Variants in FREM1 observed in about 807,000 individuals in gnomAD.
The protein encoded by FREM1 is FRAS1 related extracellular matrix 1.
Under a neutral mutation model 210.1 loss-of-function variants are expected in FREM1, and 220 were observed. The ratio of observed to expected loss-of-function variants is 1.05; its 90% CI spans 0.94 to 1.17. FREM1 has a LOEUF of 1.17. Ranked by LOEUF, FREM1 falls within the 50% of genes most tolerant of loss-of-function variation. The pLI, the probability that FREM1 is intolerant of heterozygous loss-of-function variation, is 0.00. For missense variants in FREM1, 3,454 were observed against 2,675.5 expected (o/e 1.29, Z -6.42); for synonymous variants, 1,189 against 980.2 (o/e 1.21, Z -3.98).
At position 14,804,220 on chromosome 9, in the gene FREM1, T is replaced by G. The variant is rs370283426; in HGVS notation, c.3471+736A>C. Among the ~76,000 whole-genome samples the G allele has an allele frequency of 2.0e-4, 31 of 152,334 alleles. No individual in the cohort carries two copies. The South Asian group carries it at 6.0e-3, about 29-fold the overall frequency. Reference sequence around the variant, plus strand: ...AAAAAATTATGCGAAGCTTAAAGTCTGCTTGCCCGTAACACACAGGACTTC... The same window carrying G: ...AAAAAATTATGCGAAGCTTAAAGTCGGCTTGCCCGTAACACACAGGACTTC... On this transcript the variant is annotated intron_variant, in intron 19 of 36. Transcript: ENST00000380880.
At chr9:14,866,867 C>CTT (rs890641569) in intron 2 of FREM1, among the ~76,000 whole-genome samples, 1 of 148,882 alleles carries the variant, frequency 6.7e-6, no homozygotes, top group African/African-American at 2.5e-5. Context: ...ATTTTCCTTT[C>CTT]TTTTTTTTTT....
chr9:14,812,258 C>CA (rs1430998533), intron 16 of FREM1, among the ~76,000 whole-genome samples: 1 of 152,106 alleles, frequency 6.6e-6, no homozygotes, highest in Non-Finnish European at 1.5e-5. Flanking sequence ...AAAGCAATGC[C>CA]AAAAATGTAA....
chr9:14,878,622 T>C (rs770921688), intron 1 of FREM1, among the ~76,000 whole-genome samples: 20 of 152,326 alleles, frequency 1.3e-4, no homozygotes, highest in African/African-American at 4.3e-4. Flanking sequence ...TTACTTTCAA[T>C]GGCAAAAAAC....
chr9:14,859,236 G>C lies in FREM1; in HGVS notation c.578C>G (p.Pro193Arg), dbSNP rs377565472. The C allele has an allele frequency of 4.2e-5, 67 of 1,610,200 alleles. No homozygotes were observed. The Middle Eastern group carries it at 5.0e-4, about 12-fold the overall frequency. The change falls in exon 4 of 37, where the codon CCT (proline) becomes CGT (arginine). Residue 193 changes from proline to arginine, a missense_variant. Transcript: ENST00000380880. Reference sequence around the variant, plus strand: ...ATCTCCACGAGGTTCTTCTGGTCGAGGCTCCCCGAGAACCATCTGGCCATG... The same window carrying C: ...ATCTCCACGAGGTTCTTCTGGTCGACGCTCCCCGAGAACCATCTGGCCATG... ...PAHGQMVLGE[P>R]RPEEPRGDQP...
chr9:14,816,480 A>G (rs11792010), intron 15 of FREM1, among the ~76,000 whole-genome samples: 32,106 of 151,898 alleles, frequency 0.21, 3,692 homozygotes, highest in Middle Eastern at 0.3. Flanking sequence ...CAGTGTTGGG[A>G]GGTGGGAGGT....
chr9:14,809,342 G>A (rs1467768302), intron 16 of FREM1, among the ~76,000 whole-genome samples: 3 of 152,190 alleles, frequency 2.0e-5, no homozygotes, highest in African/African-American at 7.2e-5. Context: ...GACTAATACA[G>A]GGAGGAATTA....
Position 14,841,595 on chromosome 9 carries a change from G to A in FREM1, c.1739-6C>T, listed in dbSNP as rs547407290. 9 of 1,579,614 alleles carry A rather than the reference G, an allele frequency of 5.7e-6. No individual in the cohort carries two copies. In the East Asian group the frequency reaches 1.8e-4, roughly 32 times the overall value. Reference sequence around the variant, plus strand: ...GAAGCCATGGACAGGATAGCCTATTGGGTCCATAAAACACCACATACTTTT... The same window carrying A: ...GAAGCCATGGACAGGATAGCCTATTAGGTCCATAAAACACCACATACTTTT... On this transcript the variant is annotated splice_polypyrimidine_tract_variant and splice_region_variant and intron_variant, in intron 9 of 36. Transcript: ENST00000380880.
chr9:14,801,115 A>T (rs1191577364), intron 20 of FREM1, among the ~76,000 whole-genome samples: 4 of 152,156 alleles, frequency 2.6e-5, no homozygotes, highest in African/African-American at 9.7e-5. Context: ...TTCGTGCCTC[A>T]GCCTCCTGAG....
intron 36 of FREM1, 137 bp from the exon 37 acceptor site, chr9:14,737,732 A>G: frequency 1.6e-6 from 1 of 627,812 alleles, no homozygotes; most frequent in Non-Finnish European, 2.5e-6. Flanking sequence ...GGAACTTGGA[A>G]TACTCTAAGA....
chr9:14,863,830 G>C lies in FREM1; in HGVS notation c.308C>G (p.Thr103Arg). The change falls in exon 3 of 37, where the codon ACA becomes AGA. Residue 103 changes from threonine (T) to arginine (R), a missense_variant. Coordinates refer to ENST00000380880, the MANE Select transcript of FREM1 (RefSeq NM_001379081.2). ...TTACCTGTAAAGTCTGAGCTTCACT[G>C]TGTCTTCATCAAGAATTGGACAACC... Reference protein sequence around the residue: ...HNGCPILDEDTVKLRLYRFTE... With the variant: ...HNGCPILDEDRVKLRLYRFTE... The C allele has an allele frequency of 6.2e-7, 1 of 1,611,918 alleles. No individual in the cohort carries two copies.
intron 5 of FREM1, 133 bp downstream of exon 5, chr9:14,857,420 A>C: frequency 1.2e-6 from 1 of 802,916 alleles, no homozygotes. Context: ...TGCAGTTCCA[A>C]TGAGTCGCTG....
chr9:14,741,930 G>A (rs984978589), intron 35 of FREM1, among the ~76,000 whole-genome samples: 3 of 152,056 alleles, frequency 2.0e-5, no homozygotes, highest in African/African-American at 7.2e-5. Flanking sequence ...GTACAATTTC[G>A]GTTTTCTTTT....
At chr9:14,854,642 C>G (rs1325801301) in intron 5 of FREM1, among the ~76,000 whole-genome samples, 2 of 151,922 alleles carry the variant, frequency 1.3e-5, no homozygotes, top group Non-Finnish European at 2.9e-5. Context: ...ATTATCATCA[C>G]TAGTGAAAGA....
intron 35 of FREM1, 24 bp downstream of exon 35, chr9:14,746,329 C>G (rs1842419983): frequency 6.7e-7 from 1 of 1,495,182 alleles, no homozygotes; most frequent in Non-Finnish European, 9.3e-7. Context: ...AAACACCAAT[C>G]AAATGTGCAA....
chr9:14,765,599 T>C (rs932201689), intron 27 of FREM1, among the ~76,000 whole-genome samples: 3 of 152,194 alleles, frequency 2.0e-5, no homozygotes, highest in East Asian at 1.9e-4. Context: ...TTGCAGGTAA[T>C]GTGCAGGTAT....
In FREM1 at chr9:14,802,600, A is replaced by T. The variant is rs186992268; in HGVS notation, c.3472-726T>A. On this transcript the variant is annotated intron_variant, in intron 19 of 36. Transcript: ENST00000380880. ...ATGTTTATCATTTCATGTAGTATCT[A>T]GTCATTTAGAACTTGACAATATGTT... Among the ~76,000 whole-genome samples, 218 of 152,364 alleles carry T rather than the reference A, an allele frequency of 1.4e-3. 1 individual carries two copies. The Middle Eastern group carries it at 0.017, about 12-fold the overall frequency.
intron 5 of FREM1, among the ~76,000 whole-genome samples, chr9:14,854,295 A>G (rs1828316584): frequency 6.6e-6 from 1 of 152,192 alleles, no homozygotes; most frequent in African/African-American, 2.4e-5. Flanking sequence ...AAAAAAGTGT[A>G]TCTATTACTA....
At chr9:14,907,962 G>A (rs889717551) in intron 1 of FREM1, among the ~76,000 whole-genome samples, 3 of 152,164 alleles carry the variant, frequency 2.0e-5, no homozygotes, top group African/African-American at 7.2e-5. Context: ...ACACCATGAG[G>A]ACAAGGACCC....
intron 1 of FREM1, among the ~76,000 whole-genome samples, chr9:14,877,761 T>C (rs1023212633): frequency 6.6e-6 from 1 of 152,122 alleles, no homozygotes; most frequent in Non-Finnish European, 1.5e-5. Flanking sequence ...TGGATAAGAA[T>C]GAAGGCCGTC....
Sources: gnomAD v4.1 joint callset for allele counts (sites outside exome capture counted in the v4.1 genomes callset) on GRCh38, gnomAD v4.1.1 for gene constraint, MANE v1.5 for transcripts, NCBI Gene and HGNC (gene_info 2026-07-23, HGNC 2026-07-21) for gene names.